Variants in ATXN7 observed in about 807,000 individuals in gnomAD.
ATXN7 encodes ataxin-7.
ATXN7 carries 12 observed loss-of-function variants against 70.5 expected under a neutral mutation model. That is an observed-to-expected ratio of 0.17 (90% CI 0.11 to 0.28). The LOEUF (loss-of-function observed/expected upper bound fraction) is 0.28, where lower values mean the gene tolerates loss of function less well. Ranked by LOEUF, ATXN7 falls within the 10% of genes least tolerant of loss-of-function variation. The pLI is 1.00. For synonymous variants in ATXN7, 498 were observed against 448.7 expected, an observed-to-expected ratio of 1.11 and a Z score of -1.39; for missense variants, 1,256 against 1,131.7, an observed-to-expected ratio of 1.11 and a Z score of -1.58.
At position 64,000,614 on chromosome 3, in the gene ATXN7, A is replaced by G. The variant is rs2075823534; in HGVS notation, c.*1147A>G. 1 of 152,172 alleles carries G rather than the reference A, an allele frequency of 6.6e-6. No individual in the cohort carries two copies. Among genetic ancestry groups the G allele is most frequent in the Admixed American group, 6.6e-5 (1 of 15,262 alleles). The allele number at this position is 152,172 out of a possible 1,614,324, so 9.4% of individuals were successfully genotyped here. ...CCCCTTCATGCCACTTCAGATGTTT[A>G]TTTGGATGTGGTTGGGGACGAGAGC... On this transcript the variant is annotated 3_prime_UTR_variant, in exon 13 of 13. Transcript: ENST00000674280.
chr3:63,953,171 TC>T (rs1323030507), intron 5 of ATXN7, among the ~76,000 whole-genome samples: 1 of 152,202 alleles, frequency 6.6e-6, no homozygotes, highest in Non-Finnish European at 1.5e-5. Context: ...AGTTTTTTCC[TC>T]ATTGCTCTTA....
chr3:63,990,828 G>T lies in ATXN7; in HGVS notation c.1651G>T (p.Val551Leu). The T allele has an allele frequency of 6.2e-7, 1 of 1,614,242 alleles. No homozygotes were observed. The highest frequency in any genetic ancestry group is 1.1e-5 in the South Asian group (1 of 91,088). The change falls in exon 11 of 13, where the codon GTG becomes TTG. Residue 551 changes from valine to leucine, a missense_variant. Physicochemically the swap from Val to Leu is conservative, Grantham distance 32. Coordinates refer to ENST00000674280, the MANE Select transcript of ATXN7 (RefSeq NM_001377405.1). ...NRLRCALNLMVEKHLNAQLWK... is the reference protein window; with the variant it reads ...NRLRCALNLMLEKHLNAQLWK... ...ACTTCGCTGCGCCCTCAACCTCATG[G>T]TGGAGAAGCATCTGAATGCACAGCT...
intron 4 of ATXN7, 81 bp from the exon 5 acceptor site, chr3:63,952,298 C>A: frequency 1.0e-6 from 1 of 994,474 alleles, no homozygotes; most frequent in South Asian, 1.7e-5. Flanking sequence ...TAAGGCAACT[C>A]CTTTAGAAAG....
intron 6 of ATXN7, among the ~76,000 whole-genome samples, chr3:63,981,061 G>T (rs2075478393): frequency 6.6e-6 from 1 of 152,200 alleles, no homozygotes; most frequent in Non-Finnish European, 1.5e-5. Context: ...TCTTGGGCCA[G>T]CCTGCTTTTG....
chr3:63,984,021 A>T (rs2106766204), intron 8 of ATXN7, among the ~76,000 whole-genome samples: 1 of 152,290 alleles, frequency 6.6e-6, no homozygotes, highest in East Asian at 1.9e-4. Flanking sequence ...TGAATAAAGG[A>T]CTTCAGGCCC....
intron 4 of ATXN7, among the ~76,000 whole-genome samples, chr3:63,915,958 A>G (rs1244005560): frequency 6.6e-6 from 1 of 152,152 alleles, no homozygotes; most frequent in Non-Finnish European, 1.5e-5. Context: ...AAGTGCTGGG[A>G]TTACAGGCAT....
intron 2 of ATXN7, among the ~76,000 whole-genome samples, chr3:63,909,919 A>C (rs1703954761): frequency 6.6e-6 from 1 of 152,228 alleles, no homozygotes; most frequent in Non-Finnish European, 1.5e-5. Flanking sequence ...CTTATTTATG[A>C]GATTCCTCAA....
intron 1 of ATXN7, among the ~76,000 whole-genome samples, chr3:63,890,318 G>T (rs1329868741): frequency 6.6e-6 from 1 of 152,192 alleles, no homozygotes; most frequent in Non-Finnish European, 1.5e-5. Context: ...TCATGAGACA[G>T]TGTGTAAAAT....
chr3:63,882,385 CT>C (rs1164256938), intron 1 of ATXN7, among the ~76,000 whole-genome samples: 5,232 of 128,768 alleles, frequency 0.041, 79 homozygotes, highest in African/African-American at 0.078. Context: ...GCCTTTGATT[CT>C]TTTTTTTTTT....
Position 63,990,237 on chromosome 3 carries a change from G to A in ATXN7, c.1423G>A (p.Glu475Lys). 6.2e-7 allele frequency: 1 copy of A among 1,613,894 alleles called. No homozygotes were observed. Among genetic ancestry groups the A allele is most frequent in the Non-Finnish European group, 8.5e-7 (1 of 1,180,006 alleles). ...SAPIDPPPVH[E>K]SPHPPLPATE... Reference sequence around the variant, plus strand: ...CCCCATTGACCCTCCTCCAGTCCATGAATCTCCACACCCTCCCCTGCCTGC... The same window carrying A: ...CCCCATTGACCCTCCTCCAGTCCATAAATCTCCACACCCTCCCCTGCCTGC... Residue 475 changes from glutamate (E) to lysine (K), a missense_variant, in exon 10 of 13, where the codon GAA becomes AAA. Transcript: ENST00000674280.
At chr3:63,871,089 C>T (rs1231129971) in intron 1 of ATXN7, among the ~76,000 whole-genome samples, 2 of 152,080 alleles carry the variant, frequency 1.3e-5, no homozygotes, top group Non-Finnish European at 2.9e-5. Flanking sequence ...GCTTCGTTTC[C>T]TGCTTTTCAA....
At chr3:63,960,513 C>T (rs2075110525) in intron 5 of ATXN7, among the ~76,000 whole-genome samples, 1 of 152,104 alleles carries the variant, frequency 6.6e-6, no homozygotes, top group Non-Finnish European at 1.5e-5. Flanking sequence ...AGAGCTGGAT[C>T]AGGAGAGAAA....
At chr3:63,955,909 G>A (rs1372412874) in intron 5 of ATXN7, among the ~76,000 whole-genome samples, 2 of 152,222 alleles carry the variant, frequency 1.3e-5, no homozygotes, top group Non-Finnish European at 2.9e-5. Context: ...GTGGCAGCAA[G>A]TCTTGTAAAA....
At chr3:63,959,729 C>G (rs1428662935) in intron 5 of ATXN7, among the ~76,000 whole-genome samples, 1 of 151,982 alleles carries the variant, frequency 6.6e-6, no homozygotes, top group Non-Finnish European at 1.5e-5. Context: ...AAAGTTATGT[C>G]ATTTGTAGGA....
At chr3:63,927,427 C>G (rs547620377) in intron 4 of ATXN7, among the ~76,000 whole-genome samples, 8 of 152,038 alleles carry the variant, frequency 5.3e-5, no homozygotes, top group African/African-American at 1.9e-4. Flanking sequence ...ACAATTGGCC[C>G]GGAGGGGGAA....
Position 63,932,245 on chromosome 3 carries a change from C to T in ATXN7, c.394+19020C>T, listed in dbSNP as rs114888707. Among the ~76,000 whole-genome samples the T allele has an allele frequency of 5.8e-3, 889 of 152,254 alleles. 11 individuals carry two copies. Among genetic ancestry groups the T allele is most frequent in the African/African-American group, 0.019 (798 of 41,540 alleles). ...TGTTTTGTTTTGCTTAGTGCATTCACTGCTGTGTTTTCTGCAATATTAATT... is the reference window on the plus strand; with the variant it reads ...TGTTTTGTTTTGCTTAGTGCATTCATTGCTGTGTTTTCTGCAATATTAATT... On this transcript the variant is annotated intron_variant, in intron 4 of 12. Coordinates refer to ENST00000674280, the MANE Select transcript of ATXN7 (RefSeq NM_001377405.1).
chr3:63,922,379 G>C (rs1240296740), intron 4 of ATXN7, among the ~76,000 whole-genome samples: 2 of 152,144 alleles, frequency 1.3e-5, no homozygotes, highest in East Asian at 3.9e-4. Flanking sequence ...GTAAAAATGG[G>C]AAGTGGGAGG....
intron 4 of ATXN7, among the ~76,000 whole-genome samples, chr3:63,937,908 C>G (rs1019814722): frequency 3.9e-5 from 6 of 152,134 alleles, no homozygotes; most frequent in African/African-American, 1.4e-4. Flanking sequence ...GCAAGGATTA[C>G]GTAACATAAA....
chr3:63,884,281 T>TCC (rs1703012343), intron 1 of ATXN7, among the ~76,000 whole-genome samples: 1 of 151,328 alleles, frequency 6.6e-6, no homozygotes, highest in Non-Finnish European at 1.5e-5. Context: ...TCTCTCTCTC[T>TCC]CCACACACAA....
Sources: gnomAD v4.1 joint callset for allele counts (sites outside exome capture counted in the v4.1 genomes callset) on GRCh38, gnomAD v4.1.1 for gene constraint, MANE v1.5 for transcripts, NCBI Gene and HGNC (gene_info 2026-07-23, HGNC 2026-07-21) for gene names.